MARK4: variants seen among roughly 807,000 people sequenced by gnomAD.
The protein encoded by MARK4 is microtubule affinity regulating kinase 4, also known as MAP/microtubule affinity-regulating kinase 4.
MARK4 carries 19 observed loss-of-function variants against 81.5 expected under a neutral mutation model. The observed-to-expected ratio is 0.23, with a 90% CI of 0.16 to 0.34. The LOEUF (loss-of-function observed/expected upper bound fraction) is 0.34, where lower values mean the gene tolerates loss of function less well. MARK4 is among the 10% of genes least tolerant of loss of function. The pLI is 1.00. For synonymous variants in MARK4, 436 were observed against 439.0 expected (o/e 0.99, Z 0.08); for missense variants, 772 against 1,058.8 (o/e 0.73, Z 3.76).
At chr19:45,260,366 G>A (rs1970365077) in intron 2 of MARK4, among the ~76,000 whole-genome samples, 1 of 146,054 alleles carries the variant, frequency 6.8e-6, no homozygotes, top group African/African-American at 2.5e-5. Flanking sequence ...TTCCGCCTGG[G>A]CAACAAGACC....
At chr19:45,260,137 C>A (rs1568490476) in intron 2 of MARK4, among the ~76,000 whole-genome samples, 1 of 151,946 alleles carries the variant, frequency 6.6e-6, no homozygotes, top group Non-Finnish European at 1.5e-5. Flanking sequence ...CTCCTATAGT[C>A]CCAGCACTTT....
At chr19:45,299,505 A>G (rs1002194050) in intron 15 of MARK4, among the ~76,000 whole-genome samples, 10 of 152,140 alleles carry the variant, frequency 6.6e-5, no homozygotes, top group African/African-American at 2.2e-4. Context: ...GTGTGTGTGC[A>G]CACGTGCGTG....
intron 13 of MARK4, among the ~76,000 whole-genome samples, chr19:45,290,081 C>T (rs1380494544): frequency 6.6e-6 from 1 of 152,234 alleles, no homozygotes; most frequent in Non-Finnish European, 1.5e-5. Context: ...GCCTGGGAGT[C>T]TCCAGAGGGA....
rs752479922 is a variant in MARK4 at position 45,302,336 on chromosome 19, C to G, written c.1923-38C>G. 1 of 1,613,652 alleles carries G rather than the reference C, an allele frequency of 6.2e-7. No homozygotes were observed. Among genetic ancestry groups the G allele is most frequent in the South Asian group, 1.1e-5 (1 of 90,990 alleles). ...TTCAGCCCTCCACCACATTCCTCTTCGCTCCCATCTCTGACCCCTGACATC... is the reference window on the plus strand; with the variant it reads ...TTCAGCCCTCCACCACATTCCTCTTGGCTCCCATCTCTGACCCCTGACATC... On this transcript the variant is annotated intron_variant, in intron 16 of 16. Coordinates refer to ENST00000262891, the MANE Select transcript of MARK4 (RefSeq NM_001199867.2). This position sits in a 1 kb window ranked among gnomAD's most constrained non-coding sequence, Gnocchi z 4.9.
chr19:45,263,749 A>G (rs1008708065), intron 4 of MARK4, among the ~76,000 whole-genome samples: 1 of 152,004 alleles, frequency 6.6e-6, no homozygotes. Context: ...CTCAAAAAAA[A>G]AAAAAAAAGA....
intron 12 of MARK4, among the ~76,000 whole-genome samples, chr19:45,287,084 A>G (rs1333360312): frequency 6.6e-6 from 1 of 151,430 alleles, no homozygotes; most frequent in Non-Finnish European, 1.5e-5. Context: ...CACACCTGTA[A>G]TTCCAGCTAC....
At chr19:45,264,817 C>A in intron 5 of MARK4, 23 bp from the exon 6 acceptor site, 1 of 1,614,094 alleles carries the variant, frequency 6.2e-7, no homozygotes, top group Non-Finnish European at 8.5e-7. Context: ...TGACCCTGAC[C>A]CCGCTCGGCC....
intron 8 of MARK4, among the ~76,000 whole-genome samples, chr19:45,273,926 C>T (rs899264324): frequency 1.3e-5 from 2 of 152,244 alleles, no homozygotes; most frequent in Non-Finnish European, 2.9e-5. Context: ...GCCTCAGTCT[C>T]ACCTGCTGTT....
chr19:45,266,990 C>G (rs913848887), intron 7 of MARK4, among the ~76,000 whole-genome samples: 2 of 152,138 alleles, frequency 1.3e-5, no homozygotes, highest in Non-Finnish European at 2.9e-5. Context: ...CCTCAGCCTC[C>G]CAAAGTGCTG....
chr19:45,258,990 A>G lies in MARK4; in HGVS notation c.53A>G (p.His18Arg), dbSNP rs752538573. The G allele has an allele frequency of 4.3e-6, 7 of 1,612,240 alleles. No individual in the cohort carries two copies. The South Asian group carries it at 6.6e-5, about 15-fold the overall frequency. The change falls in exon 2 of 17, where the codon CAT (histidine) becomes CGT (arginine). Residue 18 changes from histidine to arginine, a missense_variant and splice_region_variant. Physicochemically the swap from His to Arg is conservative, Grantham distance 29 (BLOSUM62 0). Around this residue, in one of 3 missense-constraint regions of MARK4, gnomAD observed 115 missense variants for 139.8 expected, o/e 0.82. Transcript: ENST00000262891. ...APGNDRNSDT[H>R]GTLGSGRSSD... ...TCATGCTCCATCTCCCCCGCCCAGC[A>G]TGGCACCTTGGGCAGTGGCCGCTCC...
chr19:45,288,803 TCA>T, intron 13 of MARK4, among the ~76,000 whole-genome samples: 1 of 138,944 alleles, frequency 7.2e-6, no homozygotes, highest in Non-Finnish European at 1.5e-5. Context: ...TGAGCCAAGA[TCA>T]TACCACTGCA....
At chr19:45,275,446 C>T (rs767243930) in intron 8 of MARK4, among the ~76,000 whole-genome samples, 2 of 151,874 alleles carry the variant, frequency 1.3e-5, no homozygotes, top group African/African-American at 2.4e-5. Context: ...GATCACGCCA[C>T]TGCACTCCAG....
intron 15 of MARK4, among the ~76,000 whole-genome samples, chr19:45,298,500 G>T (rs762622742): frequency 6.6e-5 from 10 of 152,134 alleles, no homozygotes; most frequent in Non-Finnish European, 1.5e-4. Context: ...GTCTCCTAGG[G>T]TTATTGTGAG....
At position 45,304,899 on chromosome 19, in the gene MARK4, G is replaced by A. The variant is rs2123124777; in HGVS notation, c.*2189G>A. 6.6e-6 allele frequency: 1 copy of A among 152,420 alleles called. No homozygotes were observed. The highest frequency in any genetic ancestry group is 1.5e-5 in the Non-Finnish European group (1 of 68,122). 9.4% of individuals were successfully genotyped at this position (152,420 alleles called of 1,614,324 possible). On this transcript the variant is annotated 3_prime_UTR_variant, in exon 17 of 17. Transcript: ENST00000262891. ...CATGTGACTTTGTAAGTGTAGAATTGCTGTGAGGTATGGGGCTAGGGGCGT... is the reference window on the plus strand; with the variant it reads ...CATGTGACTTTGTAAGTGTAGAATTACTGTGAGGTATGGGGCTAGGGGCGT...
chr19:45,289,144 C>T (rs1239146225), intron 13 of MARK4, among the ~76,000 whole-genome samples: 1 of 152,048 alleles, frequency 6.6e-6, no homozygotes, highest in Admixed American at 6.6e-5. Flanking sequence ...AATCCCAGCA[C>T]TTTGGGAGTC....
intron 1 of MARK4, among the ~76,000 whole-genome samples, chr19:45,253,180 C>A (rs1427386886): frequency 7.1e-6 from 1 of 140,128 alleles, no homozygotes; most frequent in Non-Finnish European, 1.6e-5. Flanking sequence ...TCACCTCCGA[C>A]AGACCCCCCC....
Position 45,266,214 on chromosome 19 carries a change from T to G in MARK4, c.493-11T>G. ...GAGCCACAAATAACCAACCTTCCCC[T>G]TCCCTCCCAGATTGTTTCGGCTGTG... On this transcript the variant is annotated splice_polypyrimidine_tract_variant and intron_variant, in intron 6 of 16. Transcript: ENST00000262891. The G allele has an allele frequency of 1.2e-6, 2 of 1,613,720 alleles. No individual in the cohort carries two copies. The highest frequency in any genetic ancestry group is 1.7e-6 in the Non-Finnish European group (2 of 1,179,714).
In MARK4 at chr19:45,287,624, C is replaced by A; in HGVS notation, c.1454C>A (p.Ala485Glu). The A allele has an allele frequency of 6.3e-7, 1 of 1,595,456 alleles. No individual in the cohort carries two copies. Among genetic ancestry groups the A allele is most frequent in the Non-Finnish European group, 8.6e-7 (1 of 1,167,288 alleles). ...AGCAGCGCCCACAACCCCAACAAGG[C>A]AGAGATCCCAGAGCGGCGGAAGGAC... ...MVSSAHNPNK[A>E]EIPERRKDST... The change falls in exon 13 of 17, where the codon GCA becomes GAA. Residue 485 changes from alanine to glutamate, a missense_variant. Ala to Glu is a moderately radical substitution (Grantham distance 107). This residue lies in a region of MARK4 where 548 missense variants were observed against 624.3 expected (regional missense o/e 0.88). Transcript: ENST00000262891.
chr19:45,259,029 CGTCCTG>C lies in MARK4; in HGVS notation c.97_102del (p.Trp33_Ser34del), dbSNP rs778196286. On this transcript the variant is annotated inframe_deletion, in exon 2 of 17. Transcript: ENST00000262891. ...AGTGGCCGCTCCTCGGACAAAGGCC[CGTCCTG>C]GTCCAGCCGCTCACTGGGTGCCCGT... 2 of 1,613,612 alleles carry C rather than the reference CGTCCTG, an allele frequency of 1.2e-6. No homozygotes were observed. The highest frequency in any genetic ancestry group is 1.7e-5 in the Admixed American group (1 of 60,014).
Sources: gnomAD v4.1 joint callset for allele counts (sites outside exome capture counted in the v4.1 genomes callset) on GRCh38, gnomAD v4.1.1 for gene constraint, gnomAD v4.1.1 regional missense constraint, Gnocchi (gnomAD v3.1) non-coding constraint, MANE v1.5 for transcripts, NCBI Gene and HGNC (gene_info 2026-07-23, HGNC 2026-07-21) for gene names.